The following PTPRO variants were observed in gnomAD, a reference collection of about 807,000 sequenced individuals.
PTPRO encodes the protein receptor-type tyrosine-protein phosphatase O.
A neutral mutation model predicts 145.2 loss-of-function variants in PTPRO; 62 were observed. The ratio of observed to expected loss-of-function variants is 0.43; its 90% CI spans 0.35 to 0.53. The LOEUF is 0.53. Ranked by LOEUF, PTPRO falls within the 20% of genes least tolerant of loss-of-function variation. The probability of loss-of-function intolerance (pLI) is 0.01; values close to 1 mark genes in which losing one functional copy is unlikely to be tolerated. For missense variants in PTPRO, 1,345 were observed against 1,482.7 expected, an observed-to-expected ratio of 0.91 and a Z score of 1.53; for synonymous variants, 565 against 514.7, an observed-to-expected ratio of 1.10 and a Z score of -1.32.
At chr12:15,323,833 C>A (rs1448278875) in intron 1 of PTPRO, among the ~76,000 whole-genome samples, 1 of 152,036 alleles carries the variant, frequency 6.6e-6, no homozygotes, top group East Asian at 1.9e-4. Flanking sequence ...CTTATATGCA[C>A]CATTAATTAT....
chr12:15,347,519 C>T (rs73308733), intron 1 of PTPRO, among the ~76,000 whole-genome samples: 10,677 of 152,126 alleles, frequency 0.07, 1,244 homozygotes, highest in African/African-American at 0.24. Flanking sequence ...TTTTTAGTTA[C>T]CTATCTGTTA....
At chr12:15,407,838 T>A (rs1484571033) in intron 1 of PTPRO, among the ~76,000 whole-genome samples, 2 of 152,236 alleles carry the variant, frequency 1.3e-5, no homozygotes, top group African/African-American at 4.8e-5. Context: ...AAACGAATTG[T>A]TTATTTATCA....
chr12:15,398,651 G>A (rs1431748495), intron 1 of PTPRO, among the ~76,000 whole-genome samples: 2 of 151,704 alleles, frequency 1.3e-5, no homozygotes, highest in African/African-American at 2.4e-5. Context: ...ATATCTGTTC[G>A]GTTTCAACAC....
At chr12:15,487,870 A>G (rs1941922275) in intron 2 of PTPRO, among the ~76,000 whole-genome samples, 1 of 152,216 alleles carries the variant, frequency 6.6e-6, no homozygotes. Context: ...TAGCTACCAT[A>G]TTGGACAGAG....
At chr12:15,483,098 G>A (rs1282198102) in intron 1 of PTPRO, among the ~76,000 whole-genome samples, 1 of 152,048 alleles carries the variant, frequency 6.6e-6, no homozygotes, top group Non-Finnish European at 1.5e-5. Context: ...AAAGAAATTT[G>A]AGGCTCAGTG....
chr12:15,514,272 C>A (rs1591671920), intron 7 of PTPRO, among the ~76,000 whole-genome samples: 1 of 151,656 alleles, frequency 6.6e-6, no homozygotes, highest in African/African-American at 2.4e-5. Flanking sequence ...GCCAACATGG[C>A]GAAACCTCGT....
At chr12:15,581,105 G>C (rs183854602) in intron 22 of PTPRO, among the ~76,000 whole-genome samples, 147 of 152,246 alleles carry the variant, frequency 9.7e-4, no homozygotes, top group African/African-American at 3.4e-3. Flanking sequence ...ATTAGCACTA[G>C]TAAAGTTTTG....
At chr12:15,345,919 C>A (rs1867194207) in intron 1 of PTPRO, among the ~76,000 whole-genome samples, 1 of 152,050 alleles carries the variant, frequency 6.6e-6, no homozygotes, top group African/African-American at 2.4e-5. Flanking sequence ...TATCTTCCCC[C>A]ACTCCCTCCC....
intron 1 of PTPRO, among the ~76,000 whole-genome samples, chr12:15,338,288 TG>T (rs1866837682): frequency 6.6e-6 from 1 of 152,126 alleles, no homozygotes; most frequent in Non-Finnish European, 1.5e-5. Flanking sequence ...TTTTGTTTTT[TG>T]TATGTGTGTG....
chr12:15,557,849 G>A (rs1354857908), intron 16 of PTPRO, among the ~76,000 whole-genome samples: 1 of 152,172 alleles, frequency 6.6e-6, no homozygotes, highest in Admixed American at 6.5e-5. Flanking sequence ...GGTGGCTAAA[G>A]GCACGAGAAG....
chr12:15,516,576 G>A (rs1412046275), intron 8 of PTPRO, among the ~76,000 whole-genome samples, 187 bp from the exon 9 acceptor site: 1 of 138,524 alleles, frequency 7.2e-6, no homozygotes, highest in Admixed American at 7.2e-5. Context: ...GGAGGGCAGG[G>A]GGAGGGAGGA....
chr12:15,557,833 A>G (rs1220192364), intron 16 of PTPRO, among the ~76,000 whole-genome samples: 1 of 152,226 alleles, frequency 6.6e-6, no homozygotes, highest in African/African-American at 2.4e-5. Context: ...GCGCCGCTGA[A>G]CAAGTGGTGG....
intron 9 of PTPRO, among the ~76,000 whole-genome samples, chr12:15,519,983 T>C (rs1244164548): frequency 6.6e-6 from 1 of 152,224 alleles, no homozygotes; most frequent in Non-Finnish European, 1.5e-5. Flanking sequence ...TGGCTCTATA[T>C]CTTTAAATCA....
chr12:15,377,484 A>C (rs1938722963), intron 1 of PTPRO, among the ~76,000 whole-genome samples: 1 of 151,974 alleles, frequency 6.6e-6, no homozygotes, highest in Non-Finnish European at 1.5e-5. Flanking sequence ...ACACTATACA[A>C]ACAGTAACCA....
chr12:15,476,406 G>A (rs1015338437), intron 1 of PTPRO, among the ~76,000 whole-genome samples: 2 of 151,886 alleles, frequency 1.3e-5, no homozygotes, highest in African/African-American at 4.8e-5. Flanking sequence ...ACTTTTTGAT[G>A]GGGTTGTTTG....
chr12:15,356,334 C>T (rs1421544693), intron 1 of PTPRO, among the ~76,000 whole-genome samples: 1 of 152,102 alleles, frequency 6.6e-6, no homozygotes, highest in Non-Finnish European at 1.5e-5. Context: ...AATTATTTCT[C>T]CCAATTTTCC....
At chr12:15,479,882 A>C (rs1231415980) in intron 1 of PTPRO, among the ~76,000 whole-genome samples, 1 of 152,162 alleles carries the variant, frequency 6.6e-6, no homozygotes, top group Non-Finnish European at 1.5e-5. Flanking sequence ...TGTTCACTGT[A>C]GCTGAATGTG....
intron 7 of PTPRO, among the ~76,000 whole-genome samples, chr12:15,513,013 A>G: frequency 6.6e-6 from 1 of 151,158 alleles, no homozygotes; most frequent in Non-Finnish European, 1.5e-5. Flanking sequence ...AAAAGAAAGA[A>G]AAGAGAAGAA....
intron 1 of PTPRO, among the ~76,000 whole-genome samples, chr12:15,391,663 C>A (rs1179992709): frequency 6.6e-6 from 1 of 152,206 alleles, no homozygotes; most frequent in Non-Finnish European, 1.5e-5. Flanking sequence ...TTGGCTACCG[C>A]AATGGCATGG....
Sources: allele counts gnomAD v4.1 joint callset (sites outside exome capture counted in the v4.1 genomes callset), GRCh38; gene constraint gnomAD v4.1.1; transcripts MANE v1.5; gene names NCBI Gene and HGNC (gene_info 2026-07-23, HGNC 2026-07-21).